The following CCDC13 variants were observed in gnomAD, a reference collection of about 807,000 sequenced individuals.
CCDC13 encodes the protein coiled-coil domain containing 13.
A neutral mutation model predicts 87.3 loss-of-function variants in CCDC13; 70 were observed. The observed-to-expected ratio is 0.80, with a 90% CI of 0.66 to 0.98. CCDC13 has a LOEUF of 0.98. CCDC13 is among the 50% of genes least tolerant of loss of function. The probability of loss-of-function intolerance (pLI) is 0.00; values close to 1 mark genes in which losing one functional copy is unlikely to be tolerated. For synonymous variants in CCDC13, 317 were observed against 360.3 expected (o/e 0.88, Z 1.36); for missense variants, 842 against 892.0 (o/e 0.94, Z 0.71).
At chr3:42,772,854 A>T (rs1666376852) in intron 1 of CCDC13, among the ~76,000 whole-genome samples, 1 of 152,220 alleles carries the variant, frequency 6.6e-6, no homozygotes, top group South Asian at 2.1e-4. Flanking sequence ...CCCAGCAAAC[A>T]GCGCTTGTCA....
Position 42,742,956 on chromosome 3 carries a change from T to G in CCDC13, c.927A>C (p.Ala309=). The change falls in exon 8 of 16, where the codon GCA becomes GCC. Residue 309 remains alanine, a synonymous_variant. Coordinates refer to ENST00000310232, the MANE Select transcript of CCDC13 (RefSeq NM_144719.4). Reference sequence around the variant, plus strand: ...GGATCCTCAGCAGGTTTTTCTCCTGTGCCGACAGCTTCCTTGGGTCTGGAT... The same window carrying G: ...GGATCCTCAGCAGGTTTTTCTCCTGGGCCGACAGCTTCCTTGGGTCTGGAT... ...SVYPDPRKLS[A]QEKNLLRIRS... 1 of 1,614,180 alleles carries G rather than the reference T, an allele frequency of 6.2e-7. No homozygotes were observed. Among genetic ancestry groups the G allele is most frequent in the Non-Finnish European group, 8.5e-7 (1 of 1,180,004 alleles).
At chr3:42,721,567 T>C (rs1454058764) in intron 13 of CCDC13, among the ~76,000 whole-genome samples, 1 of 152,262 alleles carries the variant, frequency 6.6e-6, no homozygotes, top group Admixed American at 6.5e-5. Flanking sequence ...CTTTTAACAA[T>C]TGAGTAAAGC....
rs756337410 is a variant in CCDC13, at chr3:42,739,742, C to G, written c.1056G>C (p.Met352Ile). 6.2e-7 allele frequency: 1 copy of G among 1,614,206 alleles called. No individual in the cohort carries two copies. The highest frequency in any genetic ancestry group is 1.7e-5 in the Admixed American group (1 of 60,020). The change falls in exon 9 of 16, where the codon ATG becomes ATC. Residue 352 changes from methionine to isoleucine, a missense_variant. Transcript: ENST00000310232. ...TTGACAGCAGCTTGTTCCGAGACCT[C>G]ATGCCCTCGAACTTCTTTTTTAGCT... Reference protein sequence around the residue: ...LEELKKKFEGMRSRNKLLSSE... With the variant: ...LEELKKKFEGIRSRNKLLSSE...
At chr3:42,748,880 C>T (rs1423128701) in intron 5 of CCDC13, among the ~76,000 whole-genome samples, 2 of 152,064 alleles carry the variant, frequency 1.3e-5, no homozygotes, top group Non-Finnish European at 2.9e-5. Flanking sequence ...CTCAGCCTCC[C>T]GAGTAGCTGG....
intron 1 of CCDC13, among the ~76,000 whole-genome samples, chr3:42,771,705 T>C (rs2125918647): frequency 6.6e-6 from 1 of 152,168 alleles, no homozygotes; most frequent in Admixed American, 6.6e-5. Context: ...CTGTGAGCCA[T>C]GATCATGCCA....
rs1698997979 is a variant in CCDC13 at position 42,735,913 on chromosome 3, C to T, written c.1165G>A (p.Asp389Asn). The change falls in exon 10 of 16, where the codon GAC becomes AAC. Residue 389 changes from aspartate (D) to asparagine (N), a missense_variant and splice_region_variant. Asp to Asn is a conservative substitution (Grantham distance 23, BLOSUM62 1). Coordinates refer to ENST00000310232, the MANE Select transcript of CCDC13 (RefSeq NM_144719.4). ...ATCTCCTGTAGCTGCTTCAGCTGGT[C>T]CTGGGGGGCCAGGCAGGAGGGCAGG... ...HDDELIDALM[D>N]QLKQLQEILG... The T allele has an allele frequency of 6.2e-7, 1 of 1,612,586 alleles. No individual in the cohort carries two copies.
intron 5 of CCDC13, chr3:42,749,742 C>T: frequency 2.6e-6 from 1 of 386,880 alleles, no homozygotes; most frequent in Non-Finnish European, 5.2e-6. Context: ...GCTCCCTCCC[C>T]TACCCGAGGC....
At chr3:42,769,162 G>A (rs1699999843) in intron 1 of CCDC13, among the ~76,000 whole-genome samples, 1 of 151,964 alleles carries the variant, frequency 6.6e-6, no homozygotes, top group African/African-American at 2.4e-5. Context: ...AAAGAAAAGT[G>A]GGCAAAAGAT....
chr3:42,709,199 A>T, intron 15 of CCDC13, 60 bp from the exon 16 acceptor site: 1 of 1,519,426 alleles, frequency 6.6e-7, no homozygotes, highest in Non-Finnish European at 8.8e-7. Context: ...TGCGTGGGTG[A>T]CAGAGGGCCC....
chr3:42,768,065 T>C (rs1166768409), intron 1 of CCDC13, among the ~76,000 whole-genome samples: 1 of 150,740 alleles, frequency 6.6e-6, no homozygotes, highest in African/African-American at 2.4e-5. Flanking sequence ...TGAAACCAAA[T>C]AAAGAGCCCA....
At chr3:42,770,670 A>G (rs1439600506) in intron 1 of CCDC13, 1 of 152,378 alleles carries the variant, frequency 6.6e-6, no homozygotes, top group African/African-American at 2.4e-5. Flanking sequence ...AAATCTTGCT[A>G]CTGCTCACTC....
In CCDC13 at chr3:42,707,242, G is replaced by A. The variant is rs117045182; in HGVS notation, c.*1738C>T. Among the ~76,000 whole-genome samples the A allele has an allele frequency of 1.0e-3, 155 of 152,192 alleles. 2 individuals are homozygous for A. Among genetic ancestry groups the A allele is most frequent in the Admixed American group, 7.2e-3 (110 of 15,298 alleles). On this transcript the variant is annotated 3_prime_UTR_variant, in exon 16 of 16. Coordinates refer to ENST00000310232, the MANE Select transcript of CCDC13 (RefSeq NM_144719.4). ...AGACTCTACATCCAGCCCACCCCTC[G>A]CTGTCACACACTGTCCCCTCCAAGC...
At chr3:42,713,111 C>T in intron 14 of CCDC13, 51 bp downstream of exon 14, 1 of 1,586,960 alleles carries the variant, frequency 6.3e-7, no homozygotes, top group Non-Finnish European at 8.6e-7. Flanking sequence ...CCTCTGTTAG[C>T]AGCAACACTG....
chr3:42,739,188 T>C (rs1281873172), intron 9 of CCDC13, among the ~76,000 whole-genome samples: 1 of 152,174 alleles, frequency 6.6e-6, no homozygotes, highest in Non-Finnish European at 1.5e-5. Context: ...ATCTGTGAAG[T>C]GGGATTAAAA....
At chr3:42,771,736 C>G (rs1700116791) in intron 1 of CCDC13, among the ~76,000 whole-genome samples, 1 of 151,428 alleles carries the variant, frequency 6.6e-6, no homozygotes, top group Admixed American at 6.6e-5. Context: ...GCCTGGGTGA[C>G]AAAGTGAGAC....
chr3:42,730,317 G>T, intron 13 of CCDC13, 150 bp downstream of exon 13: 2 of 1,085,466 alleles, frequency 1.8e-6, no homozygotes, highest in Non-Finnish European at 2.6e-6. Context: ...CCCCAAGGTT[G>T]TGGGGCGCAT....
chr3:42,743,646 T>TATATAA (rs936483240), intron 7 of CCDC13, among the ~76,000 whole-genome samples: 1 of 144,116 alleles, frequency 6.9e-6, no homozygotes, highest in South Asian at 2.1e-4. Flanking sequence ...CACACATAAA[T>TATATAA]ATATAAATAT....
intron 3 of CCDC13, among the ~76,000 whole-genome samples, chr3:42,754,275 T>A (rs1699656420): frequency 6.6e-6 from 1 of 152,058 alleles, no homozygotes; most frequent in Non-Finnish European, 1.5e-5. Flanking sequence ...GTGGGGCAAC[T>A]AGGAGTAGCT....
intron 9 of CCDC13, 126 bp from the exon 10 acceptor site, chr3:42,736,039 T>G: frequency 1.2e-6 from 1 of 834,828 alleles, no homozygotes; most frequent in Non-Finnish European, 1.9e-6. Context: ...TCCTGTTCCC[T>G]CGAGAGGCAG....
Sources: allele counts gnomAD v4.1 joint callset (sites outside exome capture counted in the v4.1 genomes callset), GRCh38; gene constraint gnomAD v4.1.1; transcripts MANE v1.5; gene names NCBI Gene and HGNC (gene_info 2026-07-23, HGNC 2026-07-21).